Variants in SPIDR observed in about 807,000 individuals in gnomAD.
The protein encoded by SPIDR is scaffold protein involved in DNA repair, also known as DNA repair-scaffolding protein.
SPIDR carries 93 observed loss-of-function variants against 104.6 expected under a neutral mutation model. The observed-to-expected ratio is 0.89, with a 90% CI of 0.75 to 1.06. SPIDR has a LOEUF of 1.06. Ranked by LOEUF, SPIDR falls within the 50% of genes least tolerant of loss-of-function variation. The probability of loss-of-function intolerance (pLI) is 0.00; values close to 1 mark genes in which losing one functional copy is unlikely to be tolerated. For missense variants in SPIDR, 1,154 were observed against 1,111.2 expected, an observed-to-expected ratio of 1.04 and a Z score of -0.55; for synonymous variants, 431 against 416.9, an observed-to-expected ratio of 1.03 and a Z score of -0.41.
chr8:47,658,992 T>G (rs183222043), intron 10 of SPIDR, among the ~76,000 whole-genome samples: 29 of 151,174 alleles, frequency 1.9e-4, no homozygotes, highest in African/African-American at 6.1e-4. Flanking sequence ...GCACAGTGGC[T>G]TACACTTACA....
At chr8:47,265,188 C>CTT (rs397892978) in intron 1 of SPIDR, among the ~76,000 whole-genome samples, 2,271 of 108,944 alleles carry the variant, frequency 0.021, 116 homozygotes, top group African/African-American at 0.075. Flanking sequence ...TCTCAGTTGT[C>CTT]TTTTTTTTTT....
intron 6 of SPIDR, among the ~76,000 whole-genome samples, chr8:47,397,060 T>C (rs1421921363): frequency 1.3e-5 from 2 of 152,120 alleles, no homozygotes; most frequent in African/African-American, 4.8e-5. Context: ...AACTACAGTG[T>C]CAGTCAGGGG....
chr8:47,321,344 A>G (rs1380131184), intron 5 of SPIDR, among the ~76,000 whole-genome samples: 2 of 152,310 alleles, frequency 1.3e-5, no homozygotes, highest in East Asian at 1.9e-4. Flanking sequence ...CCCATTCACA[A>G]TTGCTTCAAA....
intron 10 of SPIDR, chr8:47,659,658 C>A (rs1007035351): frequency 2.0e-6 from 2 of 983,756 alleles, no homozygotes; most frequent in Admixed American, 1.2e-4. Context: ...CCTTCTCGCC[C>A]CCGCCTTTTC....
chr8:47,498,788 A>C (rs1020474651), intron 8 of SPIDR, among the ~76,000 whole-genome samples: 1 of 152,226 alleles, frequency 6.6e-6, no homozygotes, highest in South Asian at 2.1e-4. Context: ...TCTTTGCTAT[A>C]AAAGAAAGGC....
chr8:47,287,052 G>C (rs2154232841), intron 3 of SPIDR, among the ~76,000 whole-genome samples: 1 of 152,254 alleles, frequency 6.6e-6, no homozygotes, highest in Admixed American at 6.5e-5. Flanking sequence ...TTACAGCTGG[G>C]CCTCCAGGGG....
rs782238994 is a variant in SPIDR at position 47,407,879 on chromosome 8, A to G, written c.795A>G (p.Arg265=). The G allele has an allele frequency of 2.5e-6, 4 of 1,600,488 alleles. No individual in the cohort carries two copies. The East Asian group carries it at 9.0e-5, about 36-fold the overall frequency. The change falls in exon 7 of 20, where the codon AGA becomes AGG. Residue 265 remains arginine (R), a synonymous_variant. Coordinates refer to ENST00000297423, the MANE Select transcript of SPIDR (RefSeq NM_001080394.4). The part of the protein sequence containing the change: ...KKLLRGGLAE[R]LNGLQNRERS... ...TAAACAGAGGTGGACTAGCAGAAAG[A>G]CTAAATGGACTGCAGAATCGAGAGA...
chr8:47,423,514 A>G (rs2065915538), intron 7 of SPIDR, among the ~76,000 whole-genome samples: 1 of 152,132 alleles, frequency 6.6e-6, no homozygotes, highest in Non-Finnish European at 1.5e-5. Context: ...AGGCATGAGA[A>G]TCACTTGAAC....
intron 8 of SPIDR, among the ~76,000 whole-genome samples, chr8:47,442,434 G>C (rs2069617398): frequency 6.6e-6 from 1 of 152,136 alleles, no homozygotes; most frequent in South Asian, 2.1e-4. Flanking sequence ...AAAACAGATT[G>C]ATAGGTTTTT....
rs116881852 is a variant in SPIDR, at chr8:47,439,186, C to G, written c.878-1137C>G. On this transcript the variant is annotated intron_variant, in intron 7 of 19. Coordinates refer to ENST00000297423, the MANE Select transcript of SPIDR (RefSeq NM_001080394.4). ...GTTTCCCATAGTTTTATAATAGAAA[C>G]AATATGACACATAAATTTGAAACCC... Among the ~76,000 whole-genome samples the G allele has an allele frequency of 1.8e-4, 28 of 152,174 alleles. No homozygotes were observed. In the East Asian group the frequency reaches 5.4e-3, roughly 29 times the overall value.
intron 16 of SPIDR, among the ~76,000 whole-genome samples, chr8:47,724,045 T>G (rs2083840948): frequency 6.6e-6 from 1 of 152,218 alleles, no homozygotes; most frequent in Non-Finnish European, 1.5e-5. Context: ...CCTTCTCTAG[T>G]ATTCTTCCTT....
chr8:47,306,465 GAAT>G (rs2043114062), intron 5 of SPIDR, among the ~76,000 whole-genome samples: 1 of 152,038 alleles, frequency 6.6e-6, no homozygotes, highest in Non-Finnish European at 1.5e-5. Context: ...TTTAAAGGCT[GAAT>G]AATATTCCAT....
intron 8 of SPIDR, among the ~76,000 whole-genome samples, chr8:47,466,189 A>G (rs782182958): frequency 1.3e-5 from 2 of 152,214 alleles, no homozygotes; most frequent in Admixed American, 6.5e-5. Flanking sequence ...AAACATATAC[A>G]GAACTCTACC....
At chr8:47,469,046 CTT>C (rs1179416624) in intron 8 of SPIDR, among the ~76,000 whole-genome samples, 1 of 152,122 alleles carries the variant, frequency 6.6e-6, no homozygotes, top group Non-Finnish European at 1.5e-5. Flanking sequence ...TGAACAGACA[CTT>C]TTCAAAAGAA....
At chr8:47,335,311 A>C (rs186514497) in intron 5 of SPIDR, among the ~76,000 whole-genome samples, 1 of 152,208 alleles carries the variant, frequency 6.6e-6, no homozygotes, top group African/African-American at 2.4e-5. Context: ...TTTGGCAACA[A>C]AGTGACTCAA....
chr8:47,327,299 A>G (rs1010495310), intron 5 of SPIDR, among the ~76,000 whole-genome samples: 2 of 151,992 alleles, frequency 1.3e-5, no homozygotes, highest in Admixed American at 1.3e-4. Context: ...TGGTTGTGTT[A>G]TAAGAGAATG....
chr8:47,619,399 AC>A (rs2064811378), intron 10 of SPIDR, among the ~76,000 whole-genome samples: 1 of 152,176 alleles, frequency 6.6e-6, no homozygotes, highest in African/African-American at 2.4e-5. Flanking sequence ...TCTCAGCTGC[AC>A]ATTTGAGCAC....
chr8:47,673,396 A>T (rs990725877), intron 10 of SPIDR: 2 of 457,260 alleles, frequency 4.4e-6, no homozygotes, highest in Non-Finnish European at 8.8e-6. Flanking sequence ...ATCCACACAA[A>T]GCAAATATTT....
intron 5 of SPIDR, among the ~76,000 whole-genome samples, chr8:47,312,733 C>G (rs1366250985): frequency 7.9e-5 from 12 of 152,116 alleles, no homozygotes; most frequent in East Asian, 1.9e-4. Flanking sequence ...TAATTAGATC[C>G]CATTTGTCAA....
Sources: allele counts gnomAD v4.1 joint callset (sites outside exome capture counted in the v4.1 genomes callset), GRCh38; gene constraint gnomAD v4.1.1; transcripts MANE v1.5; gene names NCBI Gene and HGNC (gene_info 2026-07-23, HGNC 2026-07-21).